UBE2F: variants seen among roughly 807,000 people sequenced by gnomAD.
The protein encoded by UBE2F is NEDD8-conjugating enzyme UBE2F.
In UBE2F, 5 loss-of-function variants were observed where a neutral mutation model predicts 29.6. That is an observed-to-expected ratio of 0.17 (90% CI 0.09 to 0.36). The LOEUF (loss-of-function observed/expected upper bound fraction) is 0.36. Ranked by LOEUF, UBE2F falls within the 10% of genes least tolerant of loss-of-function variation. The pLI is 1.00. For missense variants in UBE2F, 141 were observed against 228.5 expected (o/e 0.62, Z 2.47); for synonymous variants, 66 against 81.8 (o/e 0.81, Z 1.04).
chr2:238,026,339 ATCTCTTTTCTTTCATTCCTCTC>A (rs2064428559), intron 6 of UBE2F, among the ~76,000 whole-genome samples: 1 of 152,102 alleles, frequency 6.6e-6, no homozygotes, highest in African/African-American at 2.4e-5. Flanking sequence ...CAACTTCCGT[ATCTCTTTTCTTTCATTCCTCTC>A]TCCTTAGTAA....
chr2:237,996,982 G>A (rs2063704642), intron 4 of UBE2F, among the ~76,000 whole-genome samples: 1 of 152,144 alleles, frequency 6.6e-6, no homozygotes, highest in Admixed American at 6.5e-5. Flanking sequence ...CGCACTTTGG[G>A]AGGCCCAGGT....
rs538506669 is a variant in UBE2F, at chr2:238,012,357, C to A, written c.215-4209C>A. ...GTCCACCAGAATCACTTTACCAATC[C>A]CTGTCAGCTGCAGGGACATCAAATG... On this transcript the variant is annotated intron_variant, in intron 4 of 9. Transcript: ENST00000272930. Among the ~76,000 whole-genome samples the A allele has an allele frequency of 3.3e-5, 5 of 152,216 alleles. No homozygotes were observed. The South Asian group carries it at 1.0e-3, about 32-fold the overall frequency.
chr2:238,021,293 A>G (rs2064286465), intron 5 of UBE2F, among the ~76,000 whole-genome samples: 1 of 152,238 alleles, frequency 6.6e-6, no homozygotes. Context: ...GTTGAACAGC[A>G]GTGATGACGA....
In UBE2F at chr2:237,974,632, G is replaced by A. The variant is rs1235617437; in HGVS notation, c.118+1407G>A. On this transcript the variant is annotated intron_variant, in intron 2 of 9. Transcript: ENST00000272930. ...GGGTTCAAGTGATTCTCCCGCCTCA[G>A]CCTCCATAGTAGCTGGGATTACAGG... Among the ~76,000 whole-genome samples the A allele has an allele frequency of 4.6e-5, 7 of 150,734 alleles. No individual in the cohort carries two copies. The East Asian group carries it at 1.4e-3, about 30-fold the overall frequency.
chr2:238,017,842 G>A (rs1003890548), intron 5 of UBE2F, among the ~76,000 whole-genome samples: 3 of 152,152 alleles, frequency 2.0e-5, no homozygotes, highest in Admixed American at 1.3e-4. Flanking sequence ...CTGTGACTTC[G>A]CTTGTGGGAA....
At chr2:238,008,146 T>C (rs567521076) in intron 4 of UBE2F, among the ~76,000 whole-genome samples, 2 of 139,190 alleles carry the variant, frequency 1.4e-5, no homozygotes, top group East Asian at 3.9e-4. Context: ...CAGCTAATTA[T>C]TTTTTGTAGA....
At chr2:238,027,698 G>C (rs2064464924) in intron 6 of UBE2F, among the ~76,000 whole-genome samples, 1 of 152,246 alleles carries the variant, frequency 6.6e-6, no homozygotes, top group African/African-American at 2.4e-5. Context: ...GTGAAAAGCA[G>C]ACAGTGTCCA....
chr2:238,036,902 G>A (rs2064724803), intron 9 of UBE2F, among the ~76,000 whole-genome samples: 1 of 151,932 alleles, frequency 6.6e-6, no homozygotes. Flanking sequence ...GACCCCCAGC[G>A]GCCCACCTTA....
At chr2:237,997,368 G>C (rs370347462) in intron 4 of UBE2F, among the ~76,000 whole-genome samples, 107 of 152,150 alleles carry the variant, frequency 7.0e-4, no homozygotes, top group Non-Finnish European at 1.4e-3. Flanking sequence ...CTGTGTATAT[G>C]CCCTTATTTT....
chr2:238,033,314 G>A (rs755621107), intron 8 of UBE2F, among the ~76,000 whole-genome samples: 1 of 152,170 alleles, frequency 6.6e-6, no homozygotes, highest in East Asian at 1.9e-4. Context: ...TTTTTTATAC[G>A]ATATTATACG....
intron 1 of UBE2F, among the ~76,000 whole-genome samples, chr2:237,969,696 C>G (rs1044444547): frequency 6.6e-6 from 1 of 152,176 alleles, no homozygotes; most frequent in African/African-American, 2.4e-5. Context: ...AAGGGAGACA[C>G]TGTTCCATGA....
At position 237,967,452 on chromosome 2, in the gene UBE2F, G is replaced by A. The variant is rs1194145896; in HGVS notation, c.-17+320G>A. On this transcript the variant is annotated intron_variant, in intron 1 of 9. Transcript: ENST00000272930. The surrounding 1 kb of genome is among the most constrained non-coding windows in gnomAD (Gnocchi z 6.3). The stretch of plus-strand genomic sequence containing the variant: ...GCGCCGAGCACCTGGTGTGAACCAG[G>A]CCCTGGGCCGAGCGTGGCACAGACC... Among the ~76,000 whole-genome samples, 1 of 151,968 alleles carries A rather than the reference G, an allele frequency of 6.6e-6. No homozygotes were observed. Among genetic ancestry groups the A allele is most frequent in the Non-Finnish European group, 1.5e-5 (1 of 67,954 alleles).
chr2:238,041,166 C>T (rs1004503614), intron 9 of UBE2F, 122 bp from the exon 10 acceptor site: 3 of 917,012 alleles, frequency 3.3e-6, no homozygotes, highest in Non-Finnish European at 5.3e-6. Flanking sequence ...AGTCCTTCTA[C>T]CACCTTGGCG....
At chr2:237,994,711 C>T (rs974766988) in intron 3 of UBE2F, 33 bp from the exon 4 acceptor site, 1 of 1,594,534 alleles carries the variant, frequency 6.3e-7, no homozygotes, top group Non-Finnish European at 8.6e-7. Flanking sequence ...CTGCTCACTG[C>T]CAGACCTTCC....
chr2:238,039,265 T>A (rs1489485250), intron 9 of UBE2F, among the ~76,000 whole-genome samples: 1 of 151,850 alleles, frequency 6.6e-6, no homozygotes, highest in Non-Finnish European at 1.5e-5. Flanking sequence ...AAATTAAAAT[T>A]TAAAAAAATA....
chr2:238,015,113 A>G (rs966584276), intron 4 of UBE2F, among the ~76,000 whole-genome samples: 6 of 152,254 alleles, frequency 3.9e-5, no homozygotes, highest in Non-Finnish European at 8.8e-5. Context: ...TTAAATTACT[A>G]GAAGAAAATA....
chr2:237,968,323 C>G (rs2063103194), intron 1 of UBE2F, among the ~76,000 whole-genome samples: 3 of 152,118 alleles, frequency 2.0e-5, no homozygotes, highest in Non-Finnish European at 4.4e-5. Context: ...AGGTTTACTG[C>G]TGAACGTAAA....
rs1388088511 is a variant in UBE2F, at chr2:238,041,343, A to G, written c.*5A>G. ...ATCAAACGTTATGCCAGATGATAAA[A>G]GGGGACGATTGCAGGCCCATGGACT... is the stretch of plus-strand genomic sequence containing the variant. On this transcript the variant is annotated 3_prime_UTR_variant, in exon 10 of 10. Transcript: ENST00000272930. The G allele has an allele frequency of 6.2e-7, 1 of 1,613,826 alleles. No homozygotes were observed. The highest frequency in any genetic ancestry group is 1.7e-5 in the Admixed American group (1 of 60,016).
chr2:238,031,982 A>T (rs547229090), intron 7 of UBE2F, among the ~76,000 whole-genome samples: 2 of 152,310 alleles, frequency 1.3e-5, no homozygotes, highest in East Asian at 3.9e-4. Context: ...TCTGACTGGG[A>T]GGGTGTCTGA....
Sources: allele counts gnomAD v4.1 joint callset (sites outside exome capture counted in the v4.1 genomes callset), GRCh38; gene constraint gnomAD v4.1.1; non-coding constraint Gnocchi (gnomAD v3.1); transcripts MANE v1.5; gene names NCBI Gene and HGNC (gene_info 2026-07-23, HGNC 2026-07-21).